CDH12: variants seen among roughly 807,000 people sequenced by gnomAD.
CDH12 encodes the protein cadherin-12.
Under a neutral mutation model 74.1 loss-of-function variants are expected in CDH12, and 41 were observed. That is an observed-to-expected ratio of 0.55 (90% confidence interval 0.43 to 0.72). The LOEUF (loss-of-function observed/expected upper bound fraction) is 0.72. Ranked by LOEUF, CDH12 falls within the 30% of genes least tolerant of loss-of-function variation. The pLI is 0.00. For missense variants in CDH12, 945 were observed against 977.2 expected (o/e 0.97, Z 0.44); for synonymous variants, 399 against 355.0 (o/e 1.12, Z -1.39).
intron 4 of CDH12, among the ~76,000 whole-genome samples, chr5:22,184,103 A>G (rs1385798088): frequency 2.6e-5 from 4 of 151,862 alleles, no homozygotes; most frequent in Non-Finnish European, 4.4e-5. Flanking sequence ...ATGAATTTAG[A>G]TAAGGCATGA....
At chr5:22,476,630 C>T (rs998334245) in intron 2 of CDH12, among the ~76,000 whole-genome samples, 1 of 152,028 alleles carries the variant, frequency 6.6e-6, no homozygotes, top group Non-Finnish European at 1.5e-5. Flanking sequence ...GATATTACCT[C>T]ATCTTACATG....
intron 4 of CDH12, among the ~76,000 whole-genome samples, chr5:22,210,687 A>G (rs565510096): frequency 6.6e-6 from 1 of 152,018 alleles, no homozygotes; most frequent in South Asian, 2.1e-4. Flanking sequence ...AATACATCCA[A>G]CAAAAAAGTT....
intron 4 of CDH12, among the ~76,000 whole-genome samples, chr5:22,177,750 A>C (rs1749419887): frequency 6.6e-6 from 1 of 152,056 alleles, no homozygotes; most frequent in South Asian, 2.1e-4. Flanking sequence ...TTATATAGAC[A>C]CACAACTGAG....
At chr5:22,736,838 T>C (rs1022384242) in intron 1 of CDH12, among the ~76,000 whole-genome samples, 1 of 151,768 alleles carries the variant, frequency 6.6e-6, no homozygotes, top group Non-Finnish European at 1.5e-5. Flanking sequence ...CTCCATAGAG[T>C]TGCTCCAACT....
At chr5:22,187,561 C>T (rs1341718466) in intron 4 of CDH12, among the ~76,000 whole-genome samples, 6 of 148,270 alleles carry the variant, frequency 4.0e-5, no homozygotes, top group East Asian at 2.0e-4. Flanking sequence ...ATTGTGACCA[C>T]GAATGCATTA....
rs530106635 is a variant in CDH12 at position 22,135,618 on chromosome 5, C to A, written c.-186-56756G>T. On this transcript the variant is annotated intron_variant, in intron 4 of 14. Transcript: ENST00000382254. ...CGCAAATCAGGGCATATATTCAGAC[C>A]GAGTGGTCTTCAGCATGTCTGAAGA... Among the ~76,000 whole-genome samples the A allele has an allele frequency of 3.5e-3, 527 of 151,696 alleles. 4 individuals carry two copies. Among genetic ancestry groups the A allele is most frequent in the African/African-American group, 0.012 (498 of 41,380 alleles).
intron 4 of CDH12, among the ~76,000 whole-genome samples, chr5:22,169,924 T>C (rs1748922129): frequency 6.6e-6 from 1 of 151,976 alleles, no homozygotes; most frequent in Non-Finnish European, 1.5e-5. Flanking sequence ...CTTGTTAATA[T>C]ATGTCTTCCA....
At chr5:22,841,724 C>A (rs1266315225) in intron 1 of CDH12, among the ~76,000 whole-genome samples, 2 of 152,112 alleles carry the variant, frequency 1.3e-5, no homozygotes, top group Non-Finnish European at 2.9e-5. Context: ...ATCTGAAAAT[C>A]CAACTTTAAG....
chr5:22,541,966 A>C (rs188318114), intron 1 of CDH12, among the ~76,000 whole-genome samples: 94 of 152,294 alleles, frequency 6.2e-4, no homozygotes, highest in Middle Eastern at 3.4e-3. Context: ...CATGGCTTTC[A>C]TTTGCTCTGT....
intron 1 of CDH12, among the ~76,000 whole-genome samples, chr5:22,712,323 C>T (rs924461136): frequency 1.3e-5 from 2 of 151,962 alleles, no homozygotes; most frequent in Non-Finnish European, 2.9e-5. Context: ...TTCATTGGTA[C>T]TAATAAAAGT....
chr5:22,117,484 ATATATT>A (rs1745216398), intron 4 of CDH12, among the ~76,000 whole-genome samples: 7 of 47,956 alleles, frequency 1.5e-4, no homozygotes, highest in African/African-American at 4.1e-4. Flanking sequence ...TATATTATAT[ATATATT>A]ATATATATAT....
At chr5:22,243,989 C>G (rs1035522037) in intron 3 of CDH12, among the ~76,000 whole-genome samples, 2 of 152,050 alleles carry the variant, frequency 1.3e-5, no homozygotes, top group African/African-American at 4.8e-5. Flanking sequence ...AAATTGGGAT[C>G]TTAAAGAGTC....
intron 1 of CDH12, among the ~76,000 whole-genome samples, chr5:22,751,322 T>G (rs1465543239): frequency 9.8e-6 from 1 of 101,722 alleles, no homozygotes; most frequent in Non-Finnish European, 2.1e-5. Flanking sequence ...TAAACTGTGA[T>G]ATATATATAT....
intron 1 of CDH12, among the ~76,000 whole-genome samples, chr5:22,555,248 C>T (rs1738749293): frequency 6.6e-6 from 1 of 151,780 alleles, no homozygotes. Context: ...GTATTTTTTT[C>T]ATAAATTAAA....
intron 3 of CDH12, among the ~76,000 whole-genome samples, chr5:22,216,417 T>G (rs1382865104): frequency 6.6e-6 from 1 of 151,968 alleles, no homozygotes; most frequent in Non-Finnish European, 1.5e-5. Context: ...AAATAGAATC[T>G]TGCTTCTGTA....
chr5:22,676,556 C>T (rs931116709), intron 1 of CDH12, among the ~76,000 whole-genome samples: 4 of 152,166 alleles, frequency 2.6e-5, no homozygotes, highest in Admixed American at 2.0e-4. Flanking sequence ...TCTGGTCAGA[C>T]ACATGCTGTT....
intron 1 of CDH12, among the ~76,000 whole-genome samples, chr5:22,682,243 T>C (rs754396791): frequency 6.6e-6 from 1 of 152,084 alleles, no homozygotes; most frequent in Non-Finnish European, 1.5e-5. Flanking sequence ...AAGATACTAG[T>C]GAACATCAAA....
chr5:22,821,834 C>A (rs568438025), intron 1 of CDH12, among the ~76,000 whole-genome samples: 1 of 151,082 alleles, frequency 6.6e-6, no homozygotes, highest in South Asian at 2.1e-4. Flanking sequence ...TCAATGCCAT[C>A]CCCATCAAGC....
intron 1 of CDH12, among the ~76,000 whole-genome samples, chr5:22,825,452 G>A (rs1279660723): frequency 1.3e-5 from 2 of 152,090 alleles, no homozygotes; most frequent in African/African-American, 4.8e-5. Flanking sequence ...GTTAGAGTAA[G>A]CCAAGCAAAT....
Sources: allele counts gnomAD v4.1 joint callset (sites outside exome capture counted in the v4.1 genomes callset), GRCh38; gene constraint gnomAD v4.1.1; transcripts MANE v1.5; gene names NCBI Gene and HGNC (gene_info 2026-07-23, HGNC 2026-07-21).